The following PRDM2 variants were observed in gnomAD, a reference collection of about 807,000 sequenced individuals.
PRDM2 encodes the protein PR domain zinc finger protein 2.
A neutral mutation model predicts 130.0 loss-of-function variants in PRDM2; 30 were observed. That is an observed-to-expected ratio of 0.23 (90% CI 0.17 to 0.31). PRDM2 has a LOEUF of 0.31. PRDM2 is among the 10% of genes least tolerant of loss of function. The pLI is 1.00. For missense variants in PRDM2, 2,011 were observed against 2,108.4 expected (o/e 0.95, Z 0.90); for synonymous variants, 871 against 782.4 (o/e 1.11, Z -1.89).
intron 6 of PRDM2, among the ~76,000 whole-genome samples, chr1:13,753,918 A>T (rs1451397000): frequency 6.6e-6 from 1 of 152,192 alleles, no homozygotes; most frequent in Non-Finnish European, 1.5e-5. Flanking sequence ...AGTTTCAGCA[A>T]AGAACTAAAA....
At chr1:13,770,325 AT>A (rs1298947610) in intron 6 of PRDM2, 2 of 493,136 alleles carry the variant, frequency 4.1e-6, no homozygotes, top group Admixed American at 2.0e-5. Flanking sequence ...AATAGCACTT[AT>A]GTTTTAGACA....
chr1:13,746,271 A>G (rs1481347296), intron 5 of PRDM2, among the ~76,000 whole-genome samples: 1 of 151,650 alleles, frequency 6.6e-6, no homozygotes, highest in Non-Finnish European at 1.5e-5. Flanking sequence ...GTGGATTTAT[A>G]TTTCCTTTGT....
intron 7 of PRDM2, chr1:13,773,452 CTG>C (rs1383921402): frequency 4.5e-6 from 1 of 222,704 alleles, no homozygotes; most frequent in African/African-American, 2.3e-5. Flanking sequence ...TGGCTCACAC[CTG>C]TAATCCCAGC....
At chr1:13,807,369 G>A (rs1286172067) in intron 8 of PRDM2, among the ~76,000 whole-genome samples, 1 of 152,206 alleles carries the variant, frequency 6.6e-6, no homozygotes, top group African/African-American at 2.4e-5. Context: ...TGCTGGAGGT[G>A]CCTCCGTGAC....
rs1019309527 is a variant in PRDM2, at chr1:13,794,687, T to A, written c.5036+11856T>A. On this transcript the variant is annotated intron_variant, in intron 8 of 9. Transcript: ENST00000311066. Reference sequence around the variant, plus strand: ...ATGCTGTTCACCCCAGTGAGTGCTGTCAACGTCAGCTGCTGTCAGCATCAC... The same window carrying A: ...ATGCTGTTCACCCCAGTGAGTGCTGACAACGTCAGCTGCTGTCAGCATCAC... 1.4e-4 allele frequency among the ~76,000 whole-genome samples: 22 copies of A among 152,348 alleles called. No individual in the cohort carries two copies. The South Asian group carries it at 2.7e-3, about 19-fold the overall frequency.
At position 13,788,628 on chromosome 1, in the gene PRDM2, T is replaced by C. The variant is rs965122552; in HGVS notation, c.5036+5797T>C. ...CTTGGCCAGATGTTCTGGCATACGATATTCCTCCCTTAGAAAAACACGGAG... is the reference window on the plus strand; with the variant it reads ...CTTGGCCAGATGTTCTGGCATACGACATTCCTCCCTTAGAAAAACACGGAG... On this transcript the variant is annotated intron_variant, in intron 8 of 9. Transcript: ENST00000311066. Among the ~76,000 whole-genome samples the C allele has an allele frequency of 4.6e-5, 7 of 151,930 alleles. No homozygotes were observed. The East Asian group carries it at 1.4e-3, about 29-fold the overall frequency.
chr1:13,717,859 T>G (rs956948368), intron 2 of PRDM2, among the ~76,000 whole-genome samples: 1 of 152,234 alleles, frequency 6.6e-6, no homozygotes, highest in African/African-American at 2.4e-5. Flanking sequence ...CTGGTAGTAA[T>G]GAAGCTTTTA....
In PRDM2 at chr1:13,778,962, T is replaced by C. The variant is rs1644543351; in HGVS notation, c.1167T>C (p.Ala389=). 6.2e-7 allele frequency: 1 copy of C among 1,614,222 alleles called. No individual in the cohort carries two copies. Among genetic ancestry groups the C allele is most frequent in the Non-Finnish European group, 8.5e-7 (1 of 1,180,042 alleles). The change falls in exon 8 of 10, where the codon GCT becomes GCC. Residue 389 remains alanine (A), a synonymous_variant. Transcript: ENST00000311066. ...MHIHISTVNH[A]FKCKYCGKAF... is the part of the protein sequence containing the mutation. ...TCCATATATCCACCGTCAATCATGC[T>C]TTCAAATGCAAGTACTGTGGGAAAG...
intron 4 of PRDM2, among the ~76,000 whole-genome samples, chr1:13,736,645 A>G (rs551166523): frequency 1.1e-3 from 174 of 152,324 alleles, no homozygotes; most frequent in Admixed American, 1.4e-3. Flanking sequence ...AAAGTTATAT[A>G]CATTTTAACT....
At chr1:13,727,035 C>T (rs1642940753) in intron 2 of PRDM2, among the ~76,000 whole-genome samples, 1 of 152,104 alleles carries the variant, frequency 6.6e-6, no homozygotes, top group Non-Finnish European at 1.5e-5. Flanking sequence ...AGAGACCTTA[C>T]CCCTGCCTGC....
chr1:13,711,056 G>T (rs1642354373), intron 1 of PRDM2, among the ~76,000 whole-genome samples: 1 of 146,794 alleles, frequency 6.8e-6, no homozygotes, highest in Non-Finnish European at 1.5e-5. Flanking sequence ...CTGCACTCCA[G>T]CCTGGGCGAC....
chr1:13,772,020 A>G (rs1401116562), intron 6 of PRDM2: 4 of 152,356 alleles, frequency 2.6e-5, no homozygotes, highest in Non-Finnish European at 4.4e-5. Context: ...TTACGTGTAT[A>G]TAGCAGCTTT....
chr1:13,757,843 T>C (rs1436778999), intron 6 of PRDM2, among the ~76,000 whole-genome samples: 2 of 149,418 alleles, frequency 1.3e-5, no homozygotes, highest in South Asian at 2.2e-4. Context: ...TTTGAAGCAG[T>C]ACCTTCCTAA....
chr1:13,711,476 C>G (rs749867458), intron 1 of PRDM2, among the ~76,000 whole-genome samples: 20 of 152,138 alleles, frequency 1.3e-4, no homozygotes, highest in Non-Finnish European at 2.8e-4. Context: ...TTTCGATTGT[C>G]AAAATGATTG....
At chr1:13,756,066 A>G (rs1569884861) in intron 6 of PRDM2, among the ~76,000 whole-genome samples, 3 of 151,562 alleles carry the variant, frequency 2.0e-5, no homozygotes, top group Admixed American at 2.0e-4. Flanking sequence ...CCTGGCTAAC[A>G]TGGTGAAACC....
At chr1:13,711,545 A>G (rs1248903056) in intron 1 of PRDM2, among the ~76,000 whole-genome samples, 1 of 152,248 alleles carries the variant, frequency 6.6e-6, no homozygotes, top group South Asian at 2.1e-4. Flanking sequence ...GGAAAGGGAC[A>G]GTCTTGCTCA....
At chr1:13,721,046 A>G (rs2100434657) in intron 2 of PRDM2, among the ~76,000 whole-genome samples, 1 of 152,286 alleles carries the variant, frequency 6.6e-6, no homozygotes, top group East Asian at 1.9e-4. Flanking sequence ...GTCACTACTG[A>G]TCGGCTTTCT....
Position 13,700,610 on chromosome 1 carries a change from GA to G in PRDM2, c.-66+311del, listed in dbSNP as rs1642042739. 2.0e-5 allele frequency among the ~76,000 whole-genome samples: 3 copies of G among 151,642 alleles called. No homozygotes were observed. The South Asian group carries it at 6.2e-4, about 31-fold the overall frequency. On this transcript the variant is annotated intron_variant, in intron 1 of 9. Coordinates refer to ENST00000311066, the MANE Select transcript of PRDM2 (RefSeq NM_001393986.1). ...GTGAAGAGCCGCGCGCCCCGCGGGG[GA>G]CGCGTGCGGGCTGCAGAGACTGGCC...
chr1:13,751,304 C>T (rs1643830280), intron 6 of PRDM2, among the ~76,000 whole-genome samples: 1 of 152,086 alleles, frequency 6.6e-6, no homozygotes, highest in Admixed American at 6.5e-5. Flanking sequence ...CAGCCTATAA[C>T]CCAGAATCCT....
Sources: allele counts gnomAD v4.1 joint callset (sites outside exome capture counted in the v4.1 genomes callset), GRCh38; gene constraint gnomAD v4.1.1; transcripts MANE v1.5; gene names NCBI Gene and HGNC (gene_info 2026-07-23, HGNC 2026-07-21).